The following WASHC4 variants were observed in gnomAD, a reference collection of about 807,000 sequenced individuals.
WASHC4 encodes WASH complex subunit 7.
A neutral mutation model predicts 166.6 loss-of-function variants in WASHC4; 86 were observed. That is an observed-to-expected ratio of 0.52 (90% CI 0.43 to 0.62). The LOEUF (loss-of-function observed/expected upper bound fraction) is 0.62. WASHC4 is among the 20% of genes least tolerant of loss of function. WASHC4 has a pLI of 0.00. For synonymous variants in WASHC4, 446 were observed against 451.6 expected, an observed-to-expected ratio of 0.99 and a Z score of 0.16; for missense variants, 1,262 against 1,382.4, an observed-to-expected ratio of 0.91 and a Z score of 1.38.
At chr12:105,127,933 C>T (rs1592864646) in intron 13 of WASHC4, among the ~76,000 whole-genome samples, 2 of 152,142 alleles carry the variant, frequency 1.3e-5, no homozygotes, top group Non-Finnish European at 1.5e-5. Flanking sequence ...AGAGCCCCTA[C>T]GTTCCCATCA....
chr12:105,151,198 G>T lies in WASHC4; in HGVS notation c.2650-1145G>T, dbSNP rs548603366. 2.0e-3 allele frequency among the ~76,000 whole-genome samples: 306 copies of T among 151,278 alleles called. 1 individual carries two copies. Among genetic ancestry groups the T allele is most frequent in the Middle Eastern group, 3.4e-3 (1 of 290 alleles). On this transcript the variant is annotated intron_variant, in intron 25 of 32. Coordinates refer to ENST00000332180, the MANE Select transcript of WASHC4 (RefSeq NM_015275.3). ...ACGCCGTTTTCCTTTCACCTTCCAG[G>T]CTGAGTTTTCCCATAGTGAAGTGAA...
intron 32 of WASHC4, among the ~76,000 whole-genome samples, chr12:105,165,189 C>T (rs1884732947): frequency 6.6e-6 from 1 of 152,150 alleles, no homozygotes; most frequent in African/African-American, 2.4e-5. Context: ...TAGCATCCTG[C>T]CTTCTTTCAT....
chr12:105,140,522 G>C, intron 16 of WASHC4, 121 bp downstream of exon 16: 1 of 758,750 alleles, frequency 1.3e-6, no homozygotes. Flanking sequence ...TAATATGCTC[G>C]GTTATTTATC....
chr12:105,139,425 G>GTGTGTGTGTGTATATATATATATA, intron 15 of WASHC4, among the ~76,000 whole-genome samples: 4 of 103,190 alleles, frequency 3.9e-5, no homozygotes, highest in African/African-American at 7.1e-5. Flanking sequence ...ATGTGTGTGT[G>GTGTGTGTGTGTATATATATATATA]TATATATATA....
At chr12:105,159,728 A>G (rs1884377497) in intron 28 of WASHC4, among the ~76,000 whole-genome samples, 1 of 152,192 alleles carries the variant, frequency 6.6e-6, no homozygotes, top group Non-Finnish European at 1.5e-5. Context: ...GAGGAGTTCT[A>G]CAGGCCTCAC....
At chr12:105,112,563 C>T (rs1879798340) in intron 2 of WASHC4, among the ~76,000 whole-genome samples, 1 of 152,146 alleles carries the variant, frequency 6.6e-6, no homozygotes, top group Non-Finnish European at 1.5e-5. Context: ...TCCAGTTTCT[C>T]TACATCCTTG....
chr12:105,108,728 G>T (rs977392784), intron 1 of WASHC4, among the ~76,000 whole-genome samples: 3 of 148,122 alleles, frequency 2.0e-5, no homozygotes, highest in African/African-American at 7.8e-5. Context: ...ATTGGAGCAT[G>T]CTGTTTGTGA....
chr12:105,149,593 T>A, intron 24 of WASHC4, 22 bp from the exon 25 acceptor site: 1 of 1,358,860 alleles, frequency 7.4e-7, no homozygotes, highest in Non-Finnish European at 1.0e-6. Context: ...TTTTTTCAAC[T>A]TTTTGAATTT....
chr12:105,163,109 A>G (rs574491079), intron 30 of WASHC4, among the ~76,000 whole-genome samples: 10 of 151,912 alleles, frequency 6.6e-5, no homozygotes, highest in African/African-American at 2.4e-4. Flanking sequence ...GGCACTCGCC[A>G]CCACACCTGC....
intron 22 of WASHC4, 95 bp from the exon 23 acceptor site, chr12:105,146,357 G>A: frequency 2.6e-6 from 2 of 779,202 alleles, no homozygotes; most frequent in East Asian, 2.6e-5. Context: ...AAAATTATTA[G>A]GAAACAGTAT....
intron 24 of WASHC4, chr12:105,147,630 G>A (rs1255965921): frequency 1.0e-6 from 1 of 994,226 alleles, no homozygotes; most frequent in Non-Finnish European, 1.2e-6. Context: ...TCACCGCTTG[G>A]CGTGGTGGCT....
At chr12:105,107,921 G>C (rs1052888642) in intron 1 of WASHC4, 60 bp downstream of exon 1, 2 of 1,282,866 alleles carry the variant, frequency 1.6e-6, no homozygotes, top group Non-Finnish European at 2.2e-6. Flanking sequence ...CCGCTGTTCT[G>C]GGCTGGGCAG....
intron 4 of WASHC4, among the ~76,000 whole-genome samples, chr12:105,114,647 CAT>C (rs1421752970): frequency 6.6e-6 from 1 of 151,964 alleles, no homozygotes; most frequent in African/African-American, 2.4e-5. Context: ...GTAGGTGAGA[CAT>C]TGATGAGGAA....
chr12:105,164,609 G>T, intron 31 of WASHC4, 32 bp from the exon 32 acceptor site: 1 of 1,464,454 alleles, frequency 6.8e-7, no homozygotes, highest in Non-Finnish European at 9.5e-7. Flanking sequence ...AAGTATTTTT[G>T]GTTTTTATTT....
chr12:105,125,708 G>A (rs1192288606), intron 10 of WASHC4, among the ~76,000 whole-genome samples: 1 of 151,956 alleles, frequency 6.6e-6, no homozygotes, highest in Non-Finnish European at 1.5e-5. Flanking sequence ...TAAAAAATAT[G>A]CTTTATCTTT....
intron 26 of WASHC4, among the ~76,000 whole-genome samples, chr12:105,153,007 C>CACAT (rs1217243980): frequency 2.0e-5 from 3 of 152,126 alleles, no homozygotes; most frequent in Non-Finnish European, 4.4e-5. Flanking sequence ...TTGAGCTTTT[C>CACAT]ACATACATTA....
In WASHC4 at chr12:105,141,830, T is replaced by A. The variant is rs541854854; in HGVS notation, c.1787+584T>A. The stretch of plus-strand genomic sequence containing the variant: ...ATATTTATAACTTACTTTTTTGTTG[T>A]TCTGGAGAAGCTGACATTTTTCTTG... On this transcript the variant is annotated intron_variant, in intron 18 of 32. Transcript: ENST00000332180. Among the ~76,000 whole-genome samples, 5 of 152,256 alleles carry A rather than the reference T, an allele frequency of 3.3e-5. No individual in the cohort carries two copies. In the South Asian group the frequency reaches 1.0e-3, roughly 32 times the overall value.
chr12:105,115,592 C>A, intron 5 of WASHC4, 69 bp from the exon 6 acceptor site: 1 of 1,193,108 alleles, frequency 8.4e-7, no homozygotes, highest in Non-Finnish European at 1.2e-6. Flanking sequence ...AAACTTTTCC[C>A]CCTTTTTTGG....
At position 105,113,810 on chromosome 12, in the gene WASHC4, T is replaced by G. The variant is rs977860423; in HGVS notation, c.202-406T>G. Among the ~76,000 whole-genome samples, 6 of 152,168 alleles carry G rather than the reference T, an allele frequency of 3.9e-5. 1 individual carries two copies. The highest frequency in any genetic ancestry group is 6.5e-5 in the Admixed American group (1 of 15,286). Reference sequence around the variant, plus strand: ...AAGAAAAGATGTATTTTCTGTCTTGTTTCATTCTTAATTTATTTTGACCCT... The same window carrying G: ...AAGAAAAGATGTATTTTCTGTCTTGGTTCATTCTTAATTTATTTTGACCCT... On this transcript the variant is annotated intron_variant, in intron 2 of 32. Coordinates refer to ENST00000332180, the MANE Select transcript of WASHC4 (RefSeq NM_015275.3).
Sources: gnomAD v4.1 joint callset for allele counts (sites outside exome capture counted in the v4.1 genomes callset) on GRCh38, gnomAD v4.1.1 for gene constraint, MANE v1.5 for transcripts, NCBI Gene and HGNC (gene_info 2026-07-23, HGNC 2026-07-21) for gene names.